Variants in NEO1 observed in about 807,000 individuals in gnomAD.
NEO1 encodes the protein neogenin.
Under a neutral mutation model 159.7 loss-of-function variants are expected in NEO1, and 63 were observed. That is an observed-to-expected ratio of 0.39 (90% CI 0.32 to 0.49). The LOEUF (loss-of-function observed/expected upper bound fraction) is 0.49, where lower values mean the gene tolerates loss of function less well. Among genes scored for constraint, NEO1 ranks in the 20% least tolerant of loss-of-function variants. The pLI is 0.85. For synonymous variants in NEO1, 633 were observed against 662.0 expected, an observed-to-expected ratio of 0.96 and a Z score of 0.67; for missense variants, 1,615 against 1,831.0, an observed-to-expected ratio of 0.88 and a Z score of 2.15.
At chr15:73,214,069 G>A (rs2150709347) in intron 7 of NEO1, among the ~76,000 whole-genome samples, 1 of 152,216 alleles carries the variant, frequency 6.6e-6, no homozygotes, top group Middle Eastern at 3.4e-3. Context: ...ATCTTCATTT[G>A]AGAATTGTCT....
chr15:73,108,542 G>C (rs2070804252), intron 1 of NEO1, among the ~76,000 whole-genome samples: 1 of 151,868 alleles, frequency 6.6e-6, no homozygotes, highest in Admixed American at 6.6e-5. Context: ...ACTGAAAAAG[G>C]ATAAAACAAA....
intron 7 of NEO1, among the ~76,000 whole-genome samples, chr15:73,188,207 TA>T (rs879566448): frequency 0.02 from 2,867 of 145,920 alleles, 99 homozygotes; most frequent in African/African-American, 0.066. Flanking sequence ...GTTTAGTATT[TA>T]AAAAAAAAAA....
intron 1 of NEO1, among the ~76,000 whole-genome samples, chr15:73,061,055 A>C (rs911668942): frequency 6.6e-6 from 1 of 152,200 alleles, no homozygotes; most frequent in African/African-American, 2.4e-5. Context: ...TTTCAAAGTA[A>C]ATGCATTTCT....
chr15:73,082,171 G>A (rs897772784), intron 1 of NEO1, among the ~76,000 whole-genome samples: 1 of 152,184 alleles, frequency 6.6e-6, no homozygotes, highest in Non-Finnish European at 1.5e-5. Flanking sequence ...GCCACGCCCA[G>A]CCTAAATACT....
chr15:73,080,973 C>T (rs562478081), intron 1 of NEO1, among the ~76,000 whole-genome samples: 1 of 152,182 alleles, frequency 6.6e-6, no homozygotes, highest in Non-Finnish European at 1.5e-5. Context: ...GATAATAATA[C>T]ATTTTAAGAA....
intron 7 of NEO1, among the ~76,000 whole-genome samples, chr15:73,222,786 G>T (rs868408502): frequency 5.3e-5 from 8 of 151,948 alleles, no homozygotes; most frequent in Admixed American, 4.6e-4. Flanking sequence ...ATTTAGTTCT[G>T]CTCTGATCTT....
chr15:73,113,834 A>G (rs1468317933), intron 1 of NEO1, among the ~76,000 whole-genome samples: 1 of 152,004 alleles, frequency 6.6e-6, no homozygotes, highest in Non-Finnish European at 1.5e-5. Context: ...GTTTGCATGT[A>G]TTATTTTTTC....
chr15:73,122,061 GTGTATATATA>G (rs1212487378), intron 2 of NEO1, among the ~76,000 whole-genome samples: 205 of 63,694 alleles, frequency 3.2e-3, no homozygotes, highest in African/African-American at 8.5e-3. Flanking sequence ...GTGTGTGTGT[GTGTATATATA>G]TATATATATA....
intron 2 of NEO1, among the ~76,000 whole-genome samples, chr15:73,117,560 A>T (rs8039533): frequency 6.6e-6 from 1 of 152,126 alleles, no homozygotes; most frequent in Non-Finnish European, 1.5e-5. Flanking sequence ...GTTATCTTTA[A>T]GTCCTGTATT....
intron 1 of NEO1, among the ~76,000 whole-genome samples, chr15:73,098,070 G>A (rs1209980954): frequency 7.7e-6 from 1 of 129,648 alleles, no homozygotes; most frequent in Non-Finnish European, 1.7e-5. Flanking sequence ...TTACTCATTT[G>A]CTTTATCCCA....
intron 7 of NEO1, among the ~76,000 whole-genome samples, chr15:73,230,239 A>G (rs1449608935): frequency 1.3e-5 from 2 of 152,176 alleles, no homozygotes; most frequent in African/African-American, 2.4e-5. Context: ...TAGGTCGTTC[A>G]GACTTCATGT....
rs779827717 is a variant in NEO1 at position 73,244,373 on chromosome 15, G to A, written c.1481G>A (p.Gly494Glu). ...RERVENTSHP[G>E]EMQVTIQNLM... ...CGTGTTGAGAATACCAGTCACCCAG[G>A]AGAGATGCAAGTAACCATTCAAAAC... The change falls in exon 9 of 29, where the codon GGA (glycine) becomes GAA (glutamate). Residue 494 changes from glycine to glutamate, a missense_variant. This residue lies in a region of NEO1 where 1,018 missense variants were observed against 1,115.4 expected (regional missense o/e 0.91). Transcript: ENST00000261908. 5.6e-6 allele frequency: 9 copies of A among 1,613,672 alleles called. No homozygotes were observed. The highest frequency in any genetic ancestry group is 4.0e-5 in the African/African-American group (3 of 74,888).
intron 3 of NEO1, among the ~76,000 whole-genome samples, chr15:73,123,815 A>G (rs1474092267): frequency 6.6e-6 from 1 of 151,996 alleles, no homozygotes; most frequent in Non-Finnish European, 1.5e-5. Context: ...AACTATCCCT[A>G]CATTATTTGG....
chr15:73,285,038 T>C (rs1205388358), intron 23 of NEO1, among the ~76,000 whole-genome samples: 1 of 152,224 alleles, frequency 6.6e-6, no homozygotes, highest in Non-Finnish European at 1.5e-5. Flanking sequence ...TTTAGAAATA[T>C]TGGGATCTTT....
At chr15:73,155,298 T>A (rs181606320) in intron 5 of NEO1, among the ~76,000 whole-genome samples, 1 of 152,186 alleles carries the variant, frequency 6.6e-6, no homozygotes, top group Non-Finnish European at 1.5e-5. Context: ...TTCTGGCTTA[T>A]AAGGATTCTG....
chr15:73,238,333 T>A lies in NEO1; in HGVS notation c.1451+1827T>A, dbSNP rs148360428. ...CTTACTACTCTCTGAAATTTTCTCT[T>A]TTATTAGCTTATTTATTCTGTCTGT... On this transcript the variant is annotated intron_variant, in intron 8 of 28. Transcript: ENST00000261908. Among the ~76,000 whole-genome samples, 441 of 147,590 alleles carry A rather than the reference T, an allele frequency of 3.0e-3. 2 individuals carry two copies. Among genetic ancestry groups the A allele is most frequent in the African/African-American group, 9.9e-3 (402 of 40,458 alleles).
intron 1 of NEO1, among the ~76,000 whole-genome samples, chr15:73,105,820 T>A (rs565592399): frequency 6.6e-6 from 1 of 152,304 alleles, no homozygotes; most frequent in East Asian, 1.9e-4. Context: ...CTCATCAGGA[T>A]GTTTATGAAG....
rs751037162 is a variant in NEO1, at chr15:73,258,770, T to C, written c.2097T>C (p.Leu699=). ...TTCTTTGTCATTTGGTCTCAGGTCT[T>C]GATCGGGGGACTGAGTATAATTTCC... ...GTQLSQLIEG[L]DRGTEYNFRV... Residue 699 remains leucine (L), a synonymous_variant, in exon 14 of 29, where the codon CTT becomes CTC. Coordinates refer to ENST00000261908, the MANE Select transcript of NEO1 (RefSeq NM_002499.4). 1.2e-6 allele frequency: 2 copies of C among 1,613,538 alleles called. No homozygotes were observed. The highest frequency in any genetic ancestry group is 8.5e-7 in the Non-Finnish European group (1 of 1,179,602).
At chr15:73,279,747 A>C (rs2041605657) in intron 22 of NEO1, among the ~76,000 whole-genome samples, 1 of 152,162 alleles carries the variant, frequency 6.6e-6, no homozygotes. Flanking sequence ...AGCTTCCTAG[A>C]AGAGGTGCCG....
Sources: gnomAD v4.1 joint callset for allele counts (sites outside exome capture counted in the v4.1 genomes callset) on GRCh38, gnomAD v4.1.1 for gene constraint, gnomAD v4.1.1 regional missense constraint, MANE v1.5 for transcripts, NCBI Gene and HGNC (gene_info 2026-07-23, HGNC 2026-07-21) for gene names.